The following PDE1C variants were observed in gnomAD, a reference collection of about 807,000 sequenced individuals.
PDE1C encodes dual specificity calcium/calmodulin-dependent 3',5'-cyclic nucleotide phosphodiesterase 1C.
PDE1C carries 62 observed loss-of-function variants against 93.1 expected under a neutral mutation model. The ratio of observed to expected loss-of-function variants is 0.67; its 90% CI spans 0.54 to 0.82. PDE1C has a LOEUF of 0.82. Among genes scored for constraint, PDE1C ranks in the 40% least tolerant of loss-of-function variants. The probability of loss-of-function intolerance (pLI) is 0.00; values close to 1 mark genes in which losing one functional copy is unlikely to be tolerated. For synonymous variants in PDE1C, 325 were observed against 310.1 expected (o/e 1.05, Z -0.50); for missense variants, 742 against 884.6 (o/e 0.84, Z 2.04).
intron 1 of PDE1C, among the ~76,000 whole-genome samples, chr7:32,341,174 T>TA (rs72495478): frequency 0.09 from 1,533 of 17,088 alleles, 67 homozygotes; most frequent in African/African-American, 0.12. Context: ...AAATAAAGTC[T>TA]TTTTTTTTTT....
chr7:31,881,830 C>G (rs921972863), intron 2 of PDE1C, among the ~76,000 whole-genome samples: 1 of 151,234 alleles, frequency 6.6e-6, no homozygotes. Flanking sequence ...GAGTATGTGA[C>G]TCGGTTGTTC....
intron 3 of PDE1C, among the ~76,000 whole-genome samples, chr7:32,156,151 G>A (rs1801561017): frequency 6.6e-6 from 1 of 152,084 alleles, no homozygotes; most frequent in African/African-American, 2.4e-5. Context: ...TTTAAGTTCT[G>A]GGATTCATGT....
the PDE1C span, chr7:31,695,521 A>G: frequency 1.2e-6 from 2 of 1,613,732 alleles, no homozygotes; most frequent in South Asian, 1.1e-5. Context: ...AGAAGCCTAG[A>G]AAGGGAAAAA....
intron 12 of PDE1C, among the ~76,000 whole-genome samples, chr7:31,827,300 A>T (rs1789806789): frequency 6.6e-6 from 1 of 152,102 alleles, no homozygotes; most frequent in Non-Finnish European, 1.5e-5. Context: ...TCCAACACAG[A>T]TCACCATTTG....
the PDE1C span, among the ~76,000 whole-genome samples, chr7:31,713,484 T>C: frequency 1.6e-4 from 25 of 152,310 alleles, 1 homozygote; most frequent in Admixed American, 1.2e-3. Flanking sequence ...GTGCAAGCTG[T>C]CAGTGGATCT....
intron 2 of PDE1C, among the ~76,000 whole-genome samples, chr7:32,010,602 T>C (rs1307270202): frequency 6.6e-6 from 1 of 152,208 alleles, no homozygotes; most frequent in East Asian, 1.9e-4. Flanking sequence ...ATGTCTGCCA[T>C]AGAAAAGTAT....
At chr7:32,254,394 T>G (rs746207175) in intron 1 of PDE1C, among the ~76,000 whole-genome samples, 1 of 152,158 alleles carries the variant, frequency 6.6e-6, no homozygotes, top group Non-Finnish European at 1.5e-5. Flanking sequence ...CAGAACTTTG[T>G]GTGTTGGCCC....
the PDE1C span, chr7:31,656,641 A>G: frequency 1.1e-5 from 3 of 268,388 alleles, no homozygotes; most frequent in Admixed American, 6.5e-5. Flanking sequence ...TGAACTGACT[A>G]TGGTAGAAGC....
chr7:32,358,993 G>C (rs77201073), intron 1 of PDE1C, among the ~76,000 whole-genome samples: 4,420 of 151,830 alleles, frequency 0.029, 243 homozygotes, highest in African/African-American at 0.1. Flanking sequence ...CTTGGCTCCT[G>C]TCCTTGCTGG....
chr7:32,228,782 C>T (rs1807477093), intron 1 of PDE1C, among the ~76,000 whole-genome samples: 1 of 152,184 alleles, frequency 6.6e-6, no homozygotes, highest in South Asian at 2.1e-4. Flanking sequence ...TCCCCAGGGT[C>T]ACCTTCTTCC....
chr7:31,627,921 CA>C, the PDE1C span, among the ~76,000 whole-genome samples: 1 of 152,102 alleles, frequency 6.6e-6, no homozygotes, highest in East Asian at 1.9e-4. Flanking sequence ...AGAGCATATC[CA>C]AAAGGGTTTA....
the PDE1C span, among the ~76,000 whole-genome samples, chr7:31,712,883 C>T: frequency 6.6e-6 from 1 of 152,086 alleles, no homozygotes; most frequent in African/African-American, 2.4e-5. Context: ...ACGAGAACAG[C>T]AAGGGAAAGA....
the PDE1C span, among the ~76,000 whole-genome samples, chr7:31,677,244 T>C: frequency 6.6e-6 from 1 of 152,150 alleles, no homozygotes; most frequent in African/African-American, 2.4e-5. Flanking sequence ...GATCAGATAA[T>C]ATTAATGTCA....
chr7:32,160,648 C>T (rs902252334), intron 3 of PDE1C, among the ~76,000 whole-genome samples: 4 of 152,058 alleles, frequency 2.6e-5, no homozygotes, highest in African/African-American at 9.7e-5. Context: ...TCAAGACCAG[C>T]CTGGCCAACA....
At chr7:31,642,352 A>G in the PDE1C span, 1 of 856,930 alleles carries the variant, frequency 1.2e-6, no homozygotes, top group Non-Finnish European at 1.8e-6. Flanking sequence ...ACTCACAGCT[A>G]ACTCAGAAAG....
chr7:31,956,292 C>T (rs908379811), intron 2 of PDE1C, among the ~76,000 whole-genome samples: 2 of 152,106 alleles, frequency 1.3e-5, no homozygotes, highest in Admixed American at 1.3e-4. Flanking sequence ...TGGGGTTTCA[C>T]CATGTTGGCC....
chr7:32,272,306 A>C (rs1383731998), intron 1 of PDE1C, among the ~76,000 whole-genome samples: 1 of 152,242 alleles, frequency 6.6e-6, no homozygotes, highest in Admixed American at 6.5e-5. Flanking sequence ...GAAATGATTA[A>C]ATCCTCAAAC....
the PDE1C span, among the ~76,000 whole-genome samples, chr7:31,625,480 G>C: frequency 6.6e-6 from 1 of 152,078 alleles, no homozygotes; most frequent in Non-Finnish European, 1.5e-5. Flanking sequence ...TAGGGACATG[G>C]ATGAAATTGG....
intron 2 of PDE1C, among the ~76,000 whole-genome samples, chr7:31,934,507 G>A (rs1027689234): frequency 6.0e-5 from 9 of 149,698 alleles, no homozygotes; most frequent in East Asian, 1.9e-4. Context: ...CATCTTTAAA[G>A]TAGAAAATTT....
Sources: gnomAD v4.1 joint callset for allele counts (sites outside exome capture counted in the v4.1 genomes callset) on GRCh38, gnomAD v4.1.1 for gene constraint, MANE v1.5 for transcripts, NCBI Gene and HGNC (gene_info 2026-07-23, HGNC 2026-07-21) for gene names.